Variants in ADAM2 observed in about 807,000 individuals in gnomAD.
ADAM2 encodes disintegrin and metalloproteinase domain-containing protein 2.
Under a neutral mutation model 99.3 loss-of-function variants are expected in ADAM2, and 101 were observed. The observed-to-expected ratio is 1.02, with a 90% CI of 0.87 to 1.20. ADAM2 has a LOEUF of 1.20. ADAM2 is among the 50% of genes most tolerant of loss of function. The probability of loss-of-function intolerance (pLI) is 0.00; values close to 1 mark genes in which losing one functional copy is unlikely to be tolerated. For missense variants in ADAM2, 948 were observed against 878.7 expected (o/e 1.08, Z -1.00); for synonymous variants, 323 against 287.6 (o/e 1.12, Z -1.25).
At chr8:39,764,107 CA>C (rs1461508072) in intron 14 of ADAM2, among the ~76,000 whole-genome samples, 3 of 152,138 alleles carry the variant, frequency 2.0e-5, no homozygotes, top group African/African-American at 7.2e-5. Context: ...GAGCATGGAA[CA>C]AATTAAGAAG....
chr8:39,801,300 G>A (rs1319725868), intron 7 of ADAM2, among the ~76,000 whole-genome samples: 1 of 152,092 alleles, frequency 6.6e-6, no homozygotes, highest in Non-Finnish European at 1.5e-5. Context: ...GTTTGCTGGG[G>A]GTTCACTTCA....
At chr8:39,789,952 G>T (rs771504057) in intron 7 of ADAM2, among the ~76,000 whole-genome samples, 58 of 151,918 alleles carry the variant, frequency 3.8e-4, no homozygotes, top group Non-Finnish European at 7.2e-4. Flanking sequence ...CAACTTCATT[G>T]TGTATTAGGG....
At chr8:39,776,788 AG>A (rs563901288) in intron 11 of ADAM2, among the ~76,000 whole-genome samples, 32 of 152,286 alleles carry the variant, frequency 2.1e-4, no homozygotes, top group Non-Finnish European at 3.1e-4. Flanking sequence ...AAATTATACA[AG>A]TAAACATATT....
chr8:39,813,595 A>G (rs921286844), intron 6 of ADAM2, among the ~76,000 whole-genome samples: 6 of 152,358 alleles, frequency 3.9e-5, no homozygotes, highest in South Asian at 4.1e-4. Flanking sequence ...TAGCCATAAA[A>G]AAGGATGAGT....
At chr8:39,760,882 C>CAAAAAAAAAAAAAAAAAAAA (rs58386097) in intron 15 of ADAM2, among the ~76,000 whole-genome samples, 1 of 60,184 alleles carries the variant, frequency 1.7e-5, no homozygotes, top group African/African-American at 6.7e-5. Context: ...GACTCCATCT[C>CAAAAAAAAAAAAAAAAAAAA]AAAAAAAAAA....
chr8:39,794,426 A>C (rs890221196), intron 7 of ADAM2, among the ~76,000 whole-genome samples: 2 of 152,090 alleles, frequency 1.3e-5, no homozygotes, highest in Non-Finnish European at 2.9e-5. Flanking sequence ...ATGCTGGTTT[A>C]TTTAAAATAA....
chr8:39,751,954 T>C (rs1801965798), intron 16 of ADAM2, among the ~76,000 whole-genome samples: 1 of 152,180 alleles, frequency 6.6e-6, no homozygotes, highest in Non-Finnish European at 1.5e-5. Context: ...TGCCTCAGCC[T>C]CTCAAGTAAC....
chr8:39,789,792 A>G (rs1268175162), intron 7 of ADAM2, among the ~76,000 whole-genome samples: 1 of 151,834 alleles, frequency 6.6e-6, no homozygotes, highest in African/African-American at 2.4e-5. Flanking sequence ...CAAAATATAT[A>G]TCCCATAAAG....
intron 19 of ADAM2, among the ~76,000 whole-genome samples, chr8:39,745,943 T>C (rs141919527): frequency 6.6e-6 from 1 of 152,184 alleles, no homozygotes; most frequent in Non-Finnish European, 1.5e-5. Context: ...CAGATTCTTA[T>C]AAGATTAAAA....
chr8:39,834,187 AT>A (rs775795326), intron 2 of ADAM2, among the ~76,000 whole-genome samples, 188 bp from the exon 3 acceptor site: 84 of 152,288 alleles, frequency 5.5e-4, no homozygotes, highest in Non-Finnish European at 9.6e-4. Context: ...CATAATCAAA[AT>A]AATGAATAAA....
At chr8:39,765,339 A>C (rs1802530766) in intron 14 of ADAM2, among the ~76,000 whole-genome samples, 1 of 152,178 alleles carries the variant, frequency 6.6e-6, no homozygotes, top group African/African-American at 2.4e-5. Context: ...CTGGGTCCAT[A>C]TAATTGAAAG....
chr8:39,811,589 T>G (rs1471671436), intron 6 of ADAM2, among the ~76,000 whole-genome samples: 1 of 152,118 alleles, frequency 6.6e-6, no homozygotes, highest in Non-Finnish European at 1.5e-5. Context: ...ACGATCAAGC[T>G]GGCTTCATCC....
chr8:39,810,698 G>A (rs1457257926), intron 6 of ADAM2, among the ~76,000 whole-genome samples: 16 of 152,254 alleles, frequency 1.1e-4, no homozygotes, highest in Admixed American at 3.3e-4. Flanking sequence ...GGTACATAAC[G>A]AAATGAAGGC....
At chr8:39,746,371 A>G in intron 19 of ADAM2, 101 bp downstream of exon 19, 1 of 832,974 alleles carries the variant, frequency 1.2e-6, no homozygotes, top group Non-Finnish European at 1.8e-6. Flanking sequence ...TATAAAGACA[A>G]TAATTGAATT....
At chr8:39,835,660 G>A (rs1237149510) in intron 2 of ADAM2, among the ~76,000 whole-genome samples, 3 of 145,026 alleles carry the variant, frequency 2.1e-5, no homozygotes, top group Non-Finnish European at 3.0e-5. Context: ...TCCAGCCTGG[G>A]CAACAAGCAA....
chr8:39,826,539 T>C (rs1805408704), intron 3 of ADAM2, among the ~76,000 whole-genome samples: 1 of 151,826 alleles, frequency 6.6e-6, no homozygotes, highest in Admixed American at 6.6e-5. Context: ...CTGGCTAAAA[T>C]GGTGAAACCC....
At chr8:39,793,159 C>CT (rs1803791587) in intron 7 of ADAM2, among the ~76,000 whole-genome samples, 1 of 152,090 alleles carries the variant, frequency 6.6e-6, no homozygotes, top group African/African-American at 2.4e-5. Flanking sequence ...ATCATGTTGT[C>CT]TTAATGGACT....
At chr8:39,792,802 T>C (rs539722475) in intron 7 of ADAM2, among the ~76,000 whole-genome samples, 26 of 152,238 alleles carry the variant, frequency 1.7e-4, no homozygotes, top group Admixed American at 2.6e-4. Context: ...AAAGCACTAT[T>C]TTTAAAACAT....
At chr8:39,766,766 A>G in intron 14 of ADAM2, 82 bp downstream of exon 14, 1 of 984,488 alleles carries the variant, frequency 1.0e-6, no homozygotes, top group Non-Finnish European at 1.5e-6. Flanking sequence ...CATTTTAAAA[A>G]TCACAATCAT....
Sources: allele counts gnomAD v4.1 joint callset (sites outside exome capture counted in the v4.1 genomes callset), GRCh38; gene constraint gnomAD v4.1.1; transcripts MANE v1.5; gene names NCBI Gene and HGNC (gene_info 2026-07-23, HGNC 2026-07-21).